The following DMD variants were observed in gnomAD, a reference collection of about 807,000 sequenced individuals.
The protein encoded by DMD is mutant dystrophin.
DMD carries 63 observed loss-of-function variants against 330.1 expected under a neutral mutation model. That is an observed-to-expected ratio of 0.19 (90% CI 0.16 to 0.24). The LOEUF is 0.24. DMD is among the 10% of genes least tolerant of loss of function. The pLI is 1.00. For missense variants in DMD, 3,344 were observed against 2,684.1 expected (o/e 1.25, Z -5.43); for synonymous variants, 1,223 against 959.8 (o/e 1.27, Z -5.07).
At chrX:31,769,086 G>A (rs1322106399) in intron 51 of DMD, among the ~76,000 whole-genome samples, 1 of 111,906 alleles carries the variant, frequency 8.9e-6, no homozygotes, top group Non-Finnish European at 1.9e-5. Context: ...GGGACCATAA[G>A]CTTTTCACCA....
At chrX:32,021,564 A>T (rs988989960) in intron 44 of DMD, among the ~76,000 whole-genome samples, 1 of 112,207 alleles carries the variant, frequency 8.9e-6, no homozygotes, top group Non-Finnish European at 1.9e-5. Flanking sequence ...TGTGCTGTCC[A>T]ACACGGTAGC....
intron 1 of DMD, among the ~76,000 whole-genome samples, chrX:33,308,921 T>G (rs1569559775): frequency 9.0e-6 from 1 of 111,473 alleles, no homozygotes; most frequent in Non-Finnish European, 1.9e-5. Context: ...TATTTTGATA[T>G]AAACAAACAT....
intron 43 of DMD, among the ~76,000 whole-genome samples, chrX:32,238,465 GAGAGAGA>G (rs2097196182): frequency 9.0e-6 from 1 of 110,838 alleles, no homozygotes; most frequent in Non-Finnish European, 1.9e-5. Context: ...GAGAGAGAGA[GAGAGAGA>G]GAAAGAGAGA....
intron 27 of DMD, among the ~76,000 whole-genome samples, chrX:32,446,615 G>A (rs750118441): frequency 9.1e-6 from 1 of 109,763 alleles, no homozygotes; most frequent in African/African-American, 3.3e-5. Context: ...AAATAGCATC[G>A]GTAAATCTAA....
intron 60 of DMD, among the ~76,000 whole-genome samples, chrX:31,356,490 C>T (rs773468796): frequency 3.6e-5 from 4 of 111,256 alleles, no homozygotes; most frequent in Non-Finnish European, 7.5e-5. Flanking sequence ...GCAAGACAAG[C>T]GAGGCAGGAT....
At chrX:32,055,739 A>G (rs1413384870) in intron 44 of DMD, among the ~76,000 whole-genome samples, 1 of 111,828 alleles carries the variant, frequency 8.9e-6, no homozygotes, top group Non-Finnish European at 1.9e-5. Context: ...CAATTTTGGA[A>G]CATAAAACTT....
In DMD at chrX:32,342,259, C is replaced by T. The variant is rs2148813540; in HGVS notation, c.5763G>A (p.Lys1921=). 8.3e-7 allele frequency: 1 copy of T among 1,211,704 alleles called. No homozygotes were observed. The highest frequency in any genetic ancestry group is 1.1e-6 in the Non-Finnish European group (1 of 895,543). Residue 1921 remains lysine, a synonymous_variant, in exon 41 of 79, where the codon AAG becomes AAA. Coordinates refer to ENST00000357033, the MANE Select transcript of DMD (RefSeq NM_004006.3). ...KIKEIDRELQ[K]KKEELNAVRR... is the part of the protein sequence containing the mutation. ...GCACTGCATTCAGCTCCTCTTTCTT[C>T]TTCTGCAATTCCCGATCAATTTCCT...
chrX:32,848,033 T>C (rs779569376), intron 3 of DMD, among the ~76,000 whole-genome samples: 2 of 111,935 alleles, frequency 1.8e-5, no homozygotes, highest in Non-Finnish European at 3.8e-5. Context: ...AAACATTATG[T>C]ATGAAATTTG....
chrX:32,117,246 A>G (rs2064779867), intron 44 of DMD, among the ~76,000 whole-genome samples: 1 of 110,808 alleles, frequency 9.0e-6, no homozygotes, highest in Admixed American at 9.6e-5. Context: ...TGCCATCTTC[A>G]TTTGATCTCA....
chrX:31,321,322 A>G (rs2056396102), intron 62 of DMD, among the ~76,000 whole-genome samples: 1 of 109,897 alleles, frequency 9.1e-6, no homozygotes, highest in Admixed American at 9.7e-5. Flanking sequence ...TGGTGGCTCA[A>G]GCCTGTAATC....
intron 44 of DMD, among the ~76,000 whole-genome samples, chrX:32,098,447 C>A (rs1179784171): frequency 1.8e-5 from 2 of 111,622 alleles, no homozygotes; most frequent in African/African-American, 6.5e-5. Context: ...ATGGCATGCC[C>A]ACCCTGTCTT....
chrX:33,163,620 C>CTATCTATCTATCTATGTATG (rs1557282314), intron 1 of DMD, among the ~76,000 whole-genome samples: 1 of 19,465 alleles, frequency 5.1e-5, no homozygotes, highest in East Asian at 3.8e-3. Context: ...ATATCTATCT[C>CTATCTATCTATCTATGTATG]TATCTATCTA....
intron 4 of DMD, among the ~76,000 whole-genome samples, chrX:32,831,091 T>C (rs969747803): frequency 5.4e-5 from 6 of 110,860 alleles, no homozygotes; most frequent in Non-Finnish European, 9.5e-5. Context: ...CTAAGATTAA[T>C]ATATAATCAT....
intron 13 of DMD, among the ~76,000 whole-genome samples, chrX:32,584,411 T>C (rs949663250): frequency 8.9e-6 from 1 of 111,968 alleles, no homozygotes; most frequent in African/African-American, 3.2e-5. Context: ...GATTAAGAAA[T>C]GCTATTCTTA....
chrX:32,796,779 G>A (rs73621837), intron 7 of DMD, among the ~76,000 whole-genome samples: 7,677 of 111,424 alleles, frequency 0.069, 602 homozygotes, highest in African/African-American at 0.23. Context: ...AATCTAAGAG[G>A]ATAGCTTATT....
chrX:31,279,811 T>C (rs2052480431), intron 62 of DMD, among the ~76,000 whole-genome samples: 1 of 112,620 alleles, frequency 8.9e-6, no homozygotes, highest in East Asian at 2.8e-4. Context: ...TGTTATAGAG[T>C]TTATGAACTA....
At chrX:32,312,599 C>T (rs1207974855) in intron 41 of DMD, among the ~76,000 whole-genome samples, 2 of 109,530 alleles carry the variant, frequency 1.8e-5, no homozygotes, top group African/African-American at 3.3e-5. Flanking sequence ...CAGAAAGGAA[C>T]GTTAAATAAA....
At chrX:32,855,644 G>A (rs766882808) in intron 2 of DMD, among the ~76,000 whole-genome samples, 5 of 111,706 alleles carry the variant, frequency 4.5e-5, no homozygotes, top group Middle Eastern at 4.6e-3. Flanking sequence ...CTTATCTCTC[G>A]CCATATACAA....
chrX:32,479,358 C>A (rs1287306524), intron 21 of DMD, among the ~76,000 whole-genome samples: 1 of 111,066 alleles, frequency 9.0e-6, no homozygotes, highest in African/African-American at 3.3e-5. Context: ...CCACGCAGTA[C>A]TAGAGATCGC....
Sources: gnomAD v4.1 joint callset for allele counts (sites outside exome capture counted in the v4.1 genomes callset) on GRCh38, gnomAD v4.1.1 for gene constraint, MANE v1.5 for transcripts, NCBI Gene and HGNC (gene_info 2026-07-23, HGNC 2026-07-21) for gene names.